Variants in UBE4B observed in about 807,000 individuals in gnomAD.
UBE4B encodes ubiquitination factor E4B.
UBE4B carries 27 observed loss-of-function variants against 148.1 expected under a neutral mutation model. The ratio of observed to expected loss-of-function variants is 0.18; its 90% confidence interval spans 0.13 to 0.25. The LOEUF (loss-of-function observed/expected upper bound fraction) is 0.25, where lower values mean the gene tolerates loss of function less well. UBE4B is among the 10% of genes least tolerant of loss of function. The probability of loss-of-function intolerance (pLI) is 1.00; values close to 1 mark genes in which losing one functional copy is unlikely to be tolerated. For synonymous variants in UBE4B, 596 were observed against 619.3 expected, an observed-to-expected ratio of 0.96 and a Z score of 0.56; for missense variants, 1,170 against 1,662.4, an observed-to-expected ratio of 0.70 and a Z score of 5.15.
At chr1:10,150,417 T>G (rs1645950186) in intron 20 of UBE4B, among the ~76,000 whole-genome samples, 1 of 152,166 alleles carries the variant, frequency 6.6e-6, no homozygotes, top group Non-Finnish European at 1.5e-5. Flanking sequence ...TCAGCAGAGA[T>G]TAAAAAAAAA....
chr1:10,154,734 C>G (rs1203241983), intron 21 of UBE4B, among the ~76,000 whole-genome samples: 1 of 151,874 alleles, frequency 6.6e-6, no homozygotes, highest in African/African-American at 2.4e-5. Flanking sequence ...CCCAGCTTCT[C>G]TGGAGTCTAA....
chr1:10,178,838 T>A lies in UBE4B; in HGVS notation c.3700+20T>A. ...TCAGAGGCAAGTGGACTCGTCGTTTTCATGCTGATTTCTTTTGAGTTAACT... is the reference window on the plus strand; with the variant it reads ...TCAGAGGCAAGTGGACTCGTCGTTTACATGCTGATTTCTTTTGAGTTAACT... On this transcript the variant is annotated intron_variant, in intron 26 of 27. Transcript: ENST00000343090. 1 of 1,565,352 alleles carries A rather than the reference T, an allele frequency of 6.4e-7. No individual in the cohort carries two copies. The highest frequency in any genetic ancestry group is 2.3e-5 in the East Asian group (1 of 43,664).
At chr1:10,178,478 A>T (rs1646459968) in intron 25 of UBE4B, among the ~76,000 whole-genome samples, 166 bp from the exon 26 acceptor site, 1 of 152,208 alleles carries the variant, frequency 6.6e-6, no homozygotes, top group South Asian at 2.1e-4. Flanking sequence ...ATGAGGCTAT[A>T]AATGCATAAA....
At chr1:10,092,657 A>G (rs929975334) in intron 2 of UBE4B, among the ~76,000 whole-genome samples, 5 of 152,090 alleles carry the variant, frequency 3.3e-5, no homozygotes, top group African/African-American at 4.8e-5. Context: ...GTTAAACCCC[A>G]TCTCTACTAA....
intron 17 of UBE4B, among the ~76,000 whole-genome samples, chr1:10,142,654 G>C (rs1048880900): frequency 1.2e-4 from 19 of 152,064 alleles, no homozygotes; most frequent in Non-Finnish European, 2.5e-4. Flanking sequence ...CTGGGAGACA[G>C]AGCGAGACTG....
At chr1:10,052,996 G>A (rs1174767664) in intron 1 of UBE4B, among the ~76,000 whole-genome samples, 1 of 152,048 alleles carries the variant, frequency 6.6e-6, no homozygotes, top group East Asian at 1.9e-4. Flanking sequence ...TTTTATAAGG[G>A]CATTAATCCG....
chr1:10,044,523 TCCTTCCTTCCTTAC>T (rs1553134698), intron 1 of UBE4B, among the ~76,000 whole-genome samples: 4 of 152,172 alleles, frequency 2.6e-5, no homozygotes, highest in African/African-American at 9.6e-5. Context: ...TTTGTTGTGC[TCCTTCCTTCCTTAC>T]CCTTCCTTCC....
At chr1:10,081,682 G>A (rs1288701752) in intron 2 of UBE4B, among the ~76,000 whole-genome samples, 1 of 151,512 alleles carries the variant, frequency 6.6e-6, no homozygotes, top group Non-Finnish European at 1.5e-5. Context: ...TCCGCCTCCT[G>A]GATTCAAGCA....
At position 10,161,513 on chromosome 1, in the gene UBE4B, CT is replaced by C. The variant is rs1408775169; in HGVS notation, c.3198+230del. Among the ~76,000 whole-genome samples the C allele has an allele frequency of 1.6e-4, 25 of 152,244 alleles. No individual in the cohort carries two copies. The highest frequency in any genetic ancestry group is 6.0e-4 in the African/African-American group (25 of 41,542). On this transcript the variant is annotated intron_variant, in intron 23 of 27. Transcript: ENST00000343090. This position sits in a 1 kb window ranked among gnomAD's most constrained non-coding sequence, Gnocchi z 4.1. ...AGTCTTTGAAAATGTACACTGAAAA[CT>C]TTCTCTGCCTTTTTAATTTTAAAGG... is the stretch of plus-strand genomic sequence containing the variant.
At chr1:10,039,041 C>T (rs1378795470) in intron 1 of UBE4B, among the ~76,000 whole-genome samples, 2 of 151,768 alleles carry the variant, frequency 1.3e-5, no homozygotes, top group African/African-American at 4.8e-5. Flanking sequence ...GCCTGGGAGG[C>T]AGAGCAAGAC....
Position 10,044,605 on chromosome 1 carries a change from G to A in UBE4B, c.24+10911G>A, listed in dbSNP as rs550454904. Among the ~76,000 whole-genome samples the A allele has an allele frequency of 4.7e-5, 7 of 147,686 alleles. 1 individual carries two copies. In the East Asian group the frequency reaches 8.0e-4, roughly 17 times the overall value. On this transcript the variant is annotated intron_variant, in intron 1 of 27. Transcript: ENST00000343090. ...CTCTCCTTCCCTCCTTCCACCGCCCGCCTGTCTCGCTTTGTCACCCAGGCT... is the reference window on the plus strand; with the variant it reads ...CTCTCCTTCCCTCCTTCCACCGCCCACCTGTCTCGCTTTGTCACCCAGGCT...
At chr1:10,143,338 G>T (rs1025878806) in intron 17 of UBE4B, among the ~76,000 whole-genome samples, 4 of 152,210 alleles carry the variant, frequency 2.6e-5, no homozygotes, top group Admixed American at 1.3e-4. Flanking sequence ...GGAGTCAGAG[G>T]TTGCAGTGAG....
intron 2 of UBE4B, among the ~76,000 whole-genome samples, chr1:10,094,590 C>A (rs377464768): frequency 1.3e-5 from 2 of 151,310 alleles, no homozygotes; most frequent in Admixed American, 6.6e-5. Context: ...CCCGCCACCA[C>A]GCCCAGCTAA....
intron 25 of UBE4B, among the ~76,000 whole-genome samples, chr1:10,175,475 C>T (rs971725733): frequency 1.3e-5 from 2 of 148,420 alleles, no homozygotes; most frequent in African/African-American, 2.6e-5. Flanking sequence ...CACGGTGAAA[C>T]CCCATCTCTA....
intron 1 of UBE4B, among the ~76,000 whole-genome samples, chr1:10,068,323 C>A (rs999771759): frequency 2.6e-5 from 4 of 151,582 alleles, no homozygotes; most frequent in African/African-American, 7.3e-5. Context: ...AGCCACTGCA[C>A]CTGGCACAGT....
intron 17 of UBE4B, among the ~76,000 whole-genome samples, chr1:10,137,900 T>C (rs79249418): frequency 0.017 from 2,460 of 148,238 alleles, 35 homozygotes; most frequent in Non-Finnish European, 0.027. Flanking sequence ...GTATCTACCT[T>C]GCTTAAATCA....
At chr1:10,126,663 T>A (rs1438738803) in intron 10 of UBE4B, 131 bp from the exon 11 acceptor site, 2 of 729,036 alleles carry the variant, frequency 2.7e-6, no homozygotes, top group East Asian at 2.7e-5. Context: ...TCTAGACTTT[T>A]ATATGCAAAA....
intron 1 of UBE4B, among the ~76,000 whole-genome samples, chr1:10,070,933 G>T (rs950596230): frequency 1.3e-5 from 2 of 152,032 alleles, no homozygotes; most frequent in East Asian, 3.9e-4. Flanking sequence ...TATTTTGGAG[G>T]TGGAGTCTCC....
intron 15 of UBE4B, among the ~76,000 whole-genome samples, chr1:10,133,975 G>A (rs771001830): frequency 6.6e-6 from 1 of 151,856 alleles, no homozygotes; most frequent in Non-Finnish European, 1.5e-5. Context: ...ACTTAAGCCC[G>A]GGAGGTTGAG....
Sources: gnomAD v4.1 joint callset for allele counts (sites outside exome capture counted in the v4.1 genomes callset) on GRCh38, gnomAD v4.1.1 for gene constraint, Gnocchi (gnomAD v3.1) non-coding constraint, MANE v1.5 for transcripts, NCBI Gene and HGNC (gene_info 2026-07-23, HGNC 2026-07-21) for gene names.